The following NRXN3 variants were observed in gnomAD, a reference collection of about 807,000 sequenced individuals.
NRXN3 encodes the protein neurexin III.
In NRXN3, 32 loss-of-function variants were observed where a neutral mutation model predicts 137.6. The ratio of observed to expected loss-of-function variants is 0.23; its 90% CI spans 0.18 to 0.31. NRXN3 has a LOEUF of 0.31. NRXN3 is among the 10% of genes least tolerant of loss of function. The pLI is 1.00. For missense variants in NRXN3, 1,574 were observed against 2,062.5 expected, an observed-to-expected ratio of 0.76 and a Z score of 4.59; for synonymous variants, 798 against 784.5, an observed-to-expected ratio of 1.02 and a Z score of -0.29.
chr14:79,367,484 G>T (rs558863985), intron 15 of NRXN3, among the ~76,000 whole-genome samples: 1 of 152,312 alleles, frequency 6.6e-6, no homozygotes, highest in South Asian at 2.1e-4. Flanking sequence ...ATGACAGAAA[G>T]CTTGCCTAGG....
intron 10 of NRXN3, among the ~76,000 whole-genome samples, chr14:78,854,324 A>C (rs2099050884): frequency 6.6e-6 from 1 of 152,142 alleles, no homozygotes; most frequent in Admixed American, 6.6e-5. Context: ...GCTAGTGGTC[A>C]CATTTTACTG....
At chr14:78,904,534 A>G (rs563360166) in intron 10 of NRXN3, among the ~76,000 whole-genome samples, 1 of 152,190 alleles carries the variant, frequency 6.6e-6, no homozygotes, top group South Asian at 2.1e-4. Flanking sequence ...TATTAACTCT[A>G]TAGAGATGAT....
At chr14:79,340,039 T>G (rs1042342511) in intron 15 of NRXN3, among the ~76,000 whole-genome samples, 5 of 152,162 alleles carry the variant, frequency 3.3e-5, no homozygotes, top group African/African-American at 1.2e-4. Flanking sequence ...GAAGCTATTT[T>G]CACAGTATGG....
chr14:78,250,069 A>T (rs777941474), intron 2 of NRXN3: 1 of 516,190 alleles, frequency 1.9e-6, no homozygotes, highest in South Asian at 1.4e-5. Context: ...CACTCTTGAC[A>T]TGCGATTATG....
At chr14:78,583,103 T>C (rs969218881) in intron 4 of NRXN3, among the ~76,000 whole-genome samples, 1 of 152,170 alleles carries the variant, frequency 6.6e-6, no homozygotes, top group Non-Finnish European at 1.5e-5. Context: ...GTACTTTCCC[T>C]TCCTGACGCC....
Position 78,988,007 on chromosome 14 carries a change from C to G in NRXN3, c.3143-15C>G. 1 of 1,602,682 alleles carries G rather than the reference C, an allele frequency of 6.2e-7. No individual in the cohort carries two copies. The highest frequency in any genetic ancestry group is 1.1e-5 in the South Asian group (1 of 88,666). On this transcript the variant is annotated splice_polypyrimidine_tract_variant and intron_variant, in intron 14 of 20. Transcript: ENST00000335750. ...CTCCTTTTTCTTTTTTTCCCCTCTT[C>G]TTGTGCATTACTAGGACCCAGTACC...
intron 4 of NRXN3, among the ~76,000 whole-genome samples, chr14:78,595,331 G>T (rs1382447950): frequency 2.0e-5 from 3 of 152,174 alleles, no homozygotes; most frequent in Non-Finnish European, 4.4e-5. Context: ...AGTGGTTAAG[G>T]ACAACTTCTG....
chr14:78,907,527 T>C (rs965116254), intron 10 of NRXN3, among the ~76,000 whole-genome samples: 2 of 152,118 alleles, frequency 1.3e-5, no homozygotes, highest in African/African-American at 4.8e-5. Flanking sequence ...CCATTCCACA[T>C]AGAGTTCAAA....
chr14:79,172,960 A>G (rs1415997309), intron 15 of NRXN3, among the ~76,000 whole-genome samples: 1 of 152,192 alleles, frequency 6.6e-6, no homozygotes, highest in Non-Finnish European at 1.5e-5. Context: ...TGTTATCACA[A>G]TTTAGTGGAG....
At chr14:78,662,130 C>A (rs2097846955) in intron 6 of NRXN3, among the ~76,000 whole-genome samples, 2 of 151,874 alleles carry the variant, frequency 1.3e-5, no homozygotes, top group African/African-American at 4.8e-5. Context: ...CCTCGGCCTC[C>A]CAAAGTGCTG....
At chr14:78,232,836 G>A (rs1479337454) in intron 1 of NRXN3, among the ~76,000 whole-genome samples, 2 of 152,204 alleles carry the variant, frequency 1.3e-5, no homozygotes, top group African/African-American at 2.4e-5. Flanking sequence ...ACTCCAGGCT[G>A]GGGAGGCCCA....
chr14:79,614,733 C>T (rs1249454981), intron 16 of NRXN3, among the ~76,000 whole-genome samples: 5 of 151,582 alleles, frequency 3.3e-5, no homozygotes, highest in Non-Finnish European at 7.4e-5. Flanking sequence ...AGCAAGTAGA[C>T]TAGACTGTAT....
chr14:78,343,596 T>G (rs214013), intron 4 of NRXN3, among the ~76,000 whole-genome samples: 123,045 of 152,194 alleles, frequency 0.81, 50,962 homozygotes, highest in Non-Finnish European at 0.9. Flanking sequence ...TTCAGAGTGT[T>G]AATGACTTGC....
At chr14:79,308,761 G>A (rs1264042580) in intron 15 of NRXN3, among the ~76,000 whole-genome samples, 1 of 149,736 alleles carries the variant, frequency 6.7e-6, no homozygotes, top group Admixed American at 6.7e-5. Flanking sequence ...CACTAAGAAC[G>A]CAATTGAGAG....
chr14:79,387,005 G>A (rs930985557), intron 15 of NRXN3, among the ~76,000 whole-genome samples: 3 of 152,084 alleles, frequency 2.0e-5, no homozygotes, highest in African/African-American at 7.2e-5. Context: ...AACTCTAGAA[G>A]AAAACCTAGG....
chr14:78,404,322 G>C (rs767097181), intron 4 of NRXN3, among the ~76,000 whole-genome samples: 32 of 152,060 alleles, frequency 2.1e-4, no homozygotes, highest in Non-Finnish European at 4.1e-4. Flanking sequence ...AATGAAATTG[G>C]AGGAGGCAGC....
At chr14:79,635,597 G>A (rs912633613) in intron 16 of NRXN3, among the ~76,000 whole-genome samples, 13 of 152,162 alleles carry the variant, frequency 8.5e-5, no homozygotes, top group African/African-American at 3.1e-4. Context: ...CCTCTTCATA[G>A]CTTCTGGTAT....
intron 8 of NRXN3, among the ~76,000 whole-genome samples, chr14:78,730,574 T>C (rs2098510422): frequency 6.6e-6 from 1 of 152,160 alleles, no homozygotes; most frequent in African/African-American, 2.4e-5. Context: ...TTATAAAATG[T>C]GGGCTGCACA....
intron 15 of NRXN3, among the ~76,000 whole-genome samples, chr14:79,395,013 T>C (rs762304107): frequency 6.6e-6 from 1 of 152,174 alleles, no homozygotes; most frequent in Non-Finnish European, 1.5e-5. Flanking sequence ...TTATTTAGTG[T>C]TTATCATAGA....
Sources: allele counts gnomAD v4.1 joint callset (sites outside exome capture counted in the v4.1 genomes callset), GRCh38; gene constraint gnomAD v4.1.1; transcripts MANE v1.5; gene names NCBI Gene and HGNC (gene_info 2026-07-23, HGNC 2026-07-21).